Variants in TH observed in about 807,000 individuals in gnomAD.
TH encodes the protein tyrosine hydroxylase.
Under a neutral mutation model 57.4 loss-of-function variants are expected in TH, and 49 were observed. That is an observed-to-expected ratio of 0.85 (90% CI 0.68 to 1.08). The LOEUF is 1.08. Ranked by LOEUF, TH falls within the 50% of genes least tolerant of loss-of-function variation. TH has a pLI of 0.00. For missense variants in TH, 720 were observed against 696.7 expected (o/e 1.03, Z -0.38); for synonymous variants, 330 against 304.5 (o/e 1.08, Z -0.87).
At chr11:2,165,860 A>T in intron 10 of TH, 97 bp from the exon 11 acceptor site, 2 of 1,515,014 alleles carry the variant, frequency 1.3e-6, no homozygotes, top group African/African-American at 2.8e-5. Context: ...CAGGGAGGCC[A>T]GGCCAGGATG....
intron 10 of TH, 86 bp from the exon 11 acceptor site, chr11:2,165,849 C>T: frequency 1.3e-6 from 2 of 1,527,434 alleles, no homozygotes; most frequent in African/African-American, 1.4e-5. Context: ...GATACCACCC[C>T]CAGGGAGGCC....
rs1358716334 is a variant in TH at position 2,170,414 on chromosome 11, T to C, written c.91-543A>G. Among the ~76,000 whole-genome samples, 2 of 152,098 alleles carry C rather than the reference T, an allele frequency of 1.3e-5. No individual in the cohort carries two copies. The highest frequency in any genetic ancestry group is 4.8e-5 in the African/African-American group (2 of 41,422). ...TCTGTGCCACCCCGCAGGCGCCCGC[T>C]CCTGGCTGCCTTGTCATCCCTCCAC... is the stretch of plus-strand genomic sequence containing the variant. On this transcript the variant is annotated intron_variant, in intron 1 of 12. Coordinates refer to ENST00000352909, the MANE Select transcript of TH (RefSeq NM_000360.4). This position sits in a 1 kb window ranked among gnomAD's most constrained non-coding sequence, Gnocchi z 6.0.
At chr11:2,166,172 G>T (rs1846084579) in intron 9 of TH, 114 bp from the exon 10 acceptor site, 2 of 1,204,120 alleles carry the variant, frequency 1.7e-6, no homozygotes, top group African/African-American at 1.5e-5. Context: ...CTTCCCTGGC[G>T]GCAGAGACCT....
Position 2,168,526 on chromosome 11 carries a change from A to T in TH, c.452T>A (p.Val151Glu). The T allele has an allele frequency of 6.2e-7, 1 of 1,612,296 alleles. No homozygotes were observed. The change falls in exon 3 of 13, where the codon GTG becomes GAG. Residue 151 changes from valine (V) to glutamate (E), a missense_variant. Physicochemically the swap from Val to Glu is moderately radical, Grantham distance 121. Transcript: ENST00000352909. ...CGCGGGGCTGCGCACGTCCTCTGAC[A>T]CCTGGCGCACACCACTGAGCAGGGC... ...LAALLSGVRQ[V>E]SEDVRSPAGP...
In TH at chr11:2,168,490, C is replaced by A; in HGVS notation, c.487+1G>T. 1 of 1,612,318 alleles carries A rather than the reference C, an allele frequency of 6.2e-7. No homozygotes were observed. Among genetic ancestry groups the A allele is most frequent in the Non-Finnish European group, 8.5e-7 (1 of 1,179,832 alleles). Reference sequence around the variant, plus strand: ...CCCTCAAGGACAGAAAACCGCCTCACCCTTGGGCCCCGCGGGGCTGCGCAC... The same window carrying A: ...CCCTCAAGGACAGAAAACCGCCTCAACCTTGGGCCCCGCGGGGCTGCGCAC... On this transcript the variant is annotated splice_donor_variant, in intron 3 of 12. Coordinates refer to ENST00000352909, the MANE Select transcript of TH (RefSeq NM_000360.4). LOFTEE classifies it high-confidence loss of function.
At position 2,166,075 on chromosome 11, in the gene TH, A is replaced by G. The variant is rs1318977341; in HGVS notation, c.1048-17T>C. On this transcript the variant is annotated splice_polypyrimidine_tract_variant and intron_variant, in intron 9 of 12. Coordinates refer to ENST00000352909, the MANE Select transcript of TH (RefSeq NM_000360.4). Reference sequence around the variant, plus strand: ...GCCAATGTCCTGTGGAGCAGGGAGGATGAAGGATGGGGAGAGGCAGCCCTG... The same window carrying G: ...GCCAATGTCCTGTGGAGCAGGGAGGGTGAAGGATGGGGAGAGGCAGCCCTG... 6.4e-7 allele frequency: 1 copy of G among 1,552,132 alleles called. No individual in the cohort carries two copies. Among genetic ancestry groups the G allele is most frequent in the South Asian group, 1.2e-5 (1 of 84,154 alleles).
intron 11 of TH, 121 bp from the exon 12 acceptor site, chr11:2,165,486 G>C: frequency 6.8e-7 from 1 of 1,465,304 alleles, no homozygotes; most frequent in East Asian, 2.3e-5. Context: ...TCCCCCGCCG[G>C]GCCTTCGGAG....
rs763749875 is a variant in TH, at chr11:2,165,192, G to A, written c.1334+40C>T. 127 of 1,612,252 alleles carry A rather than the reference G, an allele frequency of 7.9e-5. 1 individual carries two copies. The Admixed American group carries it at 2.1e-3, about 26-fold the overall frequency. ...AAGGAAGGCCTGGCTGGCCCAGTTT[G>A]GGGGCACCATGGGGGGCTTGCCCTA... On this transcript the variant is annotated intron_variant, in intron 12 of 12. Transcript: ENST00000352909.
rs1462093961 is a variant in TH, at chr11:2,166,656, G to A, written c.954C>T (p.Ser318=). 2.5e-6 allele frequency: 4 copies of A among 1,574,780 alleles called. No homozygotes were observed. The African/African-American group carries it at 5.4e-5, about 21-fold the overall frequency. ...ACGGCTCAGGGGAGTGCATGGGCGA[G>A]GACGCGTGGCGGATATACTGGGTGC... ...FQCTQYIRHA[S]SPMHSPEPDC... Residue 318 remains serine, a synonymous_variant, in exon 8 of 13, where the codon TCC becomes TCT. Coordinates refer to ENST00000352909, the MANE Select transcript of TH (RefSeq NM_000360.4).
chr11:2,170,788 G>C lies in TH; in HGVS notation c.90+909C>G. 3 of 1,411,652 alleles carry C rather than the reference G, an allele frequency of 2.1e-6. No individual in the cohort carries two copies. The highest frequency in any genetic ancestry group is 2.9e-6 in the Non-Finnish European group (3 of 1,041,538). 87.4% of individuals were successfully genotyped at this position (1,411,652 alleles called of 1,614,324 possible). On this transcript the variant is annotated intron_variant, in intron 1 of 12. Coordinates refer to ENST00000352909, the MANE Select transcript of TH (RefSeq NM_000360.4). The surrounding 1 kb of genome is among the most constrained non-coding windows in gnomAD (Gnocchi z 6.0). Reference sequence around the variant, plus strand: ...GGGGCGCCCTGGGGAGGGGATGCCTGATGGGGAGCCTGGTGGGGGAGGGTA... The same window carrying C: ...GGGGCGCCCTGGGGAGGGGATGCCTCATGGGGAGCCTGGTGGGGGAGGGTA...
intron 4 of TH, 21 bp from the exon 5 acceptor site, chr11:2,167,954 C>T (rs761484700): frequency 2.7e-5 from 43 of 1,610,938 alleles, no homozygotes; most frequent in Non-Finnish European, 3.4e-5. Context: ...AGGGGATGCA[C>T]GGGTCAGGAG....
chr11:2,170,710 A>AT lies in TH; in HGVS notation c.91-840dup. On this transcript the variant is annotated intron_variant, in intron 1 of 12. Coordinates refer to ENST00000352909, the MANE Select transcript of TH (RefSeq NM_000360.4). This position sits in a 1 kb window ranked among gnomAD's most constrained non-coding sequence, Gnocchi z 6.0. Reference sequence around the variant, plus strand: ...CTTACCCTTGGGGTGGGGGTGTAGGATGCAGCTGGGGCTGCAGTTCCAGGC... The same window carrying AT: ...CTTACCCTTGGGGTGGGGGTGTAGGATTGCAGCTGGGGCTGCAGTTCCAGGC... The AT allele has an allele frequency of 6.2e-7, 1 of 1,605,290 alleles. No homozygotes were observed. The highest frequency in any genetic ancestry group is 8.5e-7 in the Non-Finnish European group (1 of 1,177,684).
Position 2,170,021 on chromosome 11 carries a change from G to A in TH, c.91-150C>T, listed in dbSNP as rs1242531487. ...TGAGCGCCTACTGTGTGCCTGCTGGGGCAGATGCTAGCCGAGGTGCCTGCG... is the reference window on the plus strand; with the variant it reads ...TGAGCGCCTACTGTGTGCCTGCTGGAGCAGATGCTAGCCGAGGTGCCTGCG... On this transcript the variant is annotated intron_variant, in intron 1 of 12. Coordinates refer to ENST00000352909, the MANE Select transcript of TH (RefSeq NM_000360.4). The surrounding 1 kb of genome is among the most constrained non-coding windows in gnomAD (Gnocchi z 6.0). 7.1e-6 allele frequency: 6 copies of A among 848,844 alleles called. No individual in the cohort carries two copies. Among genetic ancestry groups the A allele is most frequent in the African/African-American group, 3.3e-5 (2 of 59,942 alleles). The allele number at this position is 848,844 out of a possible 1,614,324, so 52.6% of individuals were successfully genotyped here.
rs903491304 is a variant in TH at position 2,171,494 on chromosome 11, C to G, written c.90+203G>C. On this transcript the variant is annotated intron_variant, in intron 1 of 12. Coordinates refer to ENST00000352909, the MANE Select transcript of TH (RefSeq NM_000360.4). This position sits in a 1 kb window ranked among gnomAD's most constrained non-coding sequence, Gnocchi z 8.6. ...GGGCACACACAGGGACAGGCATCAC[C>G]TCACCCTCCCCCAACAGGGACTCAA... is the stretch of plus-strand genomic sequence containing the variant. 1.3e-5 allele frequency among the ~76,000 whole-genome samples: 2 copies of G among 151,984 alleles called. No individual in the cohort carries two copies. The highest frequency in any genetic ancestry group is 2.4e-5 in the African/African-American group (1 of 41,378).
chr11:2,168,501 C>T lies in TH; in HGVS notation c.477G>A (p.Ala159=), dbSNP rs1217513263. The change falls in exon 3 of 13, where the codon GCG becomes GCA. Residue 159 remains alanine (A), a synonymous_variant. Transcript: ENST00000352909. ...AGAAAACCGCCTCACCCTTGGGCCC[C>T]GCGGGGCTGCGCACGTCCTCTGACA... is the stretch of plus-strand genomic sequence containing the variant. The part of the protein sequence containing the change: ...RQVSEDVRSP[A]GPKVPWFPRK... 3.1e-6 allele frequency: 5 copies of T among 1,612,170 alleles called. No homozygotes were observed. Among genetic ancestry groups the T allele is most frequent in the Admixed American group, 1.7e-5 (1 of 59,982 alleles).
In TH at chr11:2,166,331, A is replaced by G. The variant is rs1004978174; in HGVS notation, c.1047+149T>C. ...GGAGGCTCCGCTCCAGCCCCGCCCTATGCCGCGCGACCCTCGGGGCGCCGA... is the reference window on the plus strand; with the variant it reads ...GGAGGCTCCGCTCCAGCCCCGCCCTGTGCCGCGCGACCCTCGGGGCGCCGA... On this transcript the variant is annotated intron_variant, in intron 9 of 12. Transcript: ENST00000352909. The G allele has an allele frequency of 1.2e-5, 14 of 1,144,916 alleles. No individual in the cohort carries two copies. In the East Asian group the frequency reaches 1.8e-4, roughly 15 times the overall value. The allele number at this position is 1,144,916 out of a possible 1,614,324, so 70.9% of individuals were successfully genotyped here. A position where few individuals can be genotyped will look rare whatever the true frequency, so the allele number is the denominator to read the frequency against.
At chr11:2,167,077 G>T in intron 6 of TH, 45 bp from the exon 7 acceptor site, 1 of 1,552,568 alleles carries the variant, frequency 6.4e-7, no homozygotes, top group South Asian at 1.2e-5. Context: ...CCACCCCAGT[G>T]CCCGAAACCC....
At chr11:2,169,121 G>A (rs909955901) in intron 2 of TH, among the ~76,000 whole-genome samples, 7 of 152,176 alleles carry the variant, frequency 4.6e-5, no homozygotes, top group Non-Finnish European at 8.8e-5. Flanking sequence ...CTAGCAACAA[G>A]GGCGGTGGGT....
intron 6 of TH, 106 bp from the exon 7 acceptor site, chr11:2,167,138 G>T (rs779219444): frequency 6.8e-5 from 102 of 1,491,178 alleles, no homozygotes; most frequent in Non-Finnish European, 8.9e-5. Context: ...ACCAACGCAG[G>T]CCTCTTGGGG....
Sources: allele counts gnomAD v4.1 joint callset (sites outside exome capture counted in the v4.1 genomes callset), GRCh38; gene constraint gnomAD v4.1.1; non-coding constraint Gnocchi (gnomAD v3.1); transcripts MANE v1.5; gene names NCBI Gene and HGNC (gene_info 2026-07-23, HGNC 2026-07-21).